Variants in ATPAF2 observed in about 807,000 individuals in gnomAD.
The protein encoded by ATPAF2 is ATP synthase mitochondrial F1 complex assembly factor 2.
Under a neutral mutation model 36.6 loss-of-function variants are expected in ATPAF2, and 30 were observed. The observed-to-expected ratio is 0.82, with a 90% CI of 0.61 to 1.11. The LOEUF is 1.11. ATPAF2 is among the 50% of genes most tolerant of loss of function. The pLI, the probability that ATPAF2 is intolerant of heterozygous loss-of-function variation, is 0.00. For synonymous variants in ATPAF2, 140 were observed against 152.6 expected, an observed-to-expected ratio of 0.92 and a Z score of 0.61; for missense variants, 321 against 372.3, an observed-to-expected ratio of 0.86 and a Z score of 1.13.
intron 2 of ATPAF2, 81 bp from the exon 3 acceptor site, chr17:18,028,458 G>A: frequency 6.3e-7 from 1 of 1,583,630 alleles, no homozygotes; most frequent in Non-Finnish European, 8.6e-7. Context: ...CACTTGAATT[G>A]GTGCAGACAA....
chr17:18,029,752 G>A (rs1042777679), intron 1 of ATPAF2, among the ~76,000 whole-genome samples: 4 of 151,708 alleles, frequency 2.6e-5, no homozygotes, highest in African/African-American at 9.7e-5. Context: ...CAACACACCA[G>A]GCTAATTTTT....
chr17:18,015,977 T>C, downstream of ATPAF2: 1 of 1,480,806 alleles, frequency 6.8e-7, no homozygotes, highest in South Asian at 1.2e-5. Context: ...GCCAGGGGAC[T>C]TCCAAATGCT....
chr17:18,026,241 C>G, intron 4 of ATPAF2, 78 bp downstream of exon 4: 1 of 1,344,716 alleles, frequency 7.4e-7, no homozygotes, highest in Middle Eastern at 1.8e-4. Flanking sequence ...AGGGTTTCTT[C>G]TTCCACTGAT....
downstream of ATPAF2, among the ~76,000 whole-genome samples, chr17:18,017,402 T>C (rs1364888428): frequency 6.6e-6 from 1 of 152,114 alleles, no homozygotes; most frequent in Non-Finnish European, 1.5e-5. Context: ...CGGTGTGGGC[T>C]AAGACCTTCT....
intron 4 of ATPAF2, chr17:18,025,949 T>C (rs2044538866): frequency 2.7e-6 from 1 of 373,356 alleles, no homozygotes; most frequent in South Asian, 2.4e-5. Flanking sequence ...CACTCCTAGT[T>C]ATCAGCATCC....
At chr17:18,036,447 G>T (rs1192258214) in intron 1 of ATPAF2, among the ~76,000 whole-genome samples, 2 of 151,852 alleles carry the variant, frequency 1.3e-5, no homozygotes, top group African/African-American at 4.8e-5. Flanking sequence ...GTGGTGGTGG[G>T]CACCTGTAGT....
chr17:18,018,416 G>A lies in ATPAF2; in HGVS notation c.*133C>T. 7.7e-7 allele frequency: 1 copy of A among 1,294,704 alleles called. No homozygotes were observed. The highest frequency in any genetic ancestry group is 1.2e-5 in the South Asian group (1 of 83,490). The allele number at this position is 1,294,704 out of a possible 1,614,324, so 80.2% of individuals were successfully genotyped here. Reference sequence around the variant, plus strand: ...CGTACTAGCGCACTGTGTCTCGGGGGGAATCTCAGGGTGACGCTGAGGCCG... The same window carrying A: ...CGTACTAGCGCACTGTGTCTCGGGGAGAATCTCAGGGTGACGCTGAGGCCG... On this transcript the variant is annotated 3_prime_UTR_variant, in exon 8 of 8. Transcript: ENST00000474627.
chr17:18,019,028 A>C (rs2044426971), intron 7 of ATPAF2, among the ~76,000 whole-genome samples: 1 of 152,068 alleles, frequency 6.6e-6, no homozygotes, highest in African/African-American at 2.4e-5. Context: ...AGTCCCAGCT[A>C]TTTGAGAGAC....
At position 18,030,654 on chromosome 17, in the gene ATPAF2, AT is replaced by A. The variant is rs959105838; in HGVS notation, c.134-1996del. 8.9e-5 allele frequency among the ~76,000 whole-genome samples: 13 copies of A among 146,016 alleles called. No individual in the cohort carries two copies. In the South Asian group the frequency reaches 1.7e-3, roughly 19 times the overall value. On this transcript the variant is annotated intron_variant, in intron 1 of 7. Transcript: ENST00000474627. The stretch of plus-strand genomic sequence containing the variant: ...GTGGGCAACTGGTTTTACTCCAAAT[AT>A]TTTTTTTCTTTTTCTTTTTTTTTTT...
At chr17:18,016,359 C>T, downstream of ATPAF2, 1 of 884,724 alleles carries the variant, frequency 1.1e-6, no homozygotes, top group Non-Finnish European at 1.7e-6. Context: ...TGCCCAGAGA[C>T]TTTAAAACCC....
rs577231863 is a variant in ATPAF2 at position 18,037,578 on chromosome 17, G to C, written c.133+1303C>G. Among the ~76,000 whole-genome samples, 10 of 151,934 alleles carry C rather than the reference G, an allele frequency of 6.6e-5. No homozygotes were observed. In the South Asian group the frequency reaches 2.1e-3, roughly 32 times the overall value. On this transcript the variant is annotated intron_variant, in intron 1 of 7. Coordinates refer to ENST00000474627, the MANE Select transcript of ATPAF2 (RefSeq NM_145691.4). Reference sequence around the variant, plus strand: ...CAGCCTCTGTGACAGAGGAGACTCCGTCTCAAAAAAACACAAAAAAACAGA... The same window carrying C: ...CAGCCTCTGTGACAGAGGAGACTCCCTCTCAAAAAAACACAAAAAAACAGA...
chr17:18,021,784 C>T lies in ATPAF2; in HGVS notation c.577G>A (p.Val193Ile), dbSNP rs778802460. 31 of 1,614,140 alleles carry T rather than the reference C, an allele frequency of 1.9e-5. No individual in the cohort carries two copies. Among genetic ancestry groups the T allele is most frequent in the South Asian group, 3.3e-5 (3 of 91,078 alleles). Residue 193 changes from valine to isoleucine, a missense_variant, in exon 6 of 8, where the codon GTC becomes ATC. Around this residue, in one of 3 missense-constraint regions of ATPAF2, gnomAD observed 199 missense variants for 220.6 expected, o/e 0.90. Transcript: ENST00000474627. ...GTGTTGTAAGATGCCAGGTGGCTGA[C>T]GAGCACCTCCCGAGTTTTGGCAGGG... ...SIPAKTREVL[V>I]SHLASYNTWA... is the part of the protein sequence containing the mutation.
downstream of ATPAF2, chr17:18,016,558 A>T: frequency 3.7e-6 from 6 of 1,608,892 alleles, no homozygotes; most frequent in Non-Finnish European, 5.1e-6. Context: ...CACTCCTCAG[A>T]TTCACAAGGA....
At position 18,028,244 on chromosome 17, in the gene ATPAF2, G is replaced by A. The variant is rs751231157; in HGVS notation, c.312C>T (p.Tyr104=). 3 of 1,614,110 alleles carry A rather than the reference G, an allele frequency of 1.9e-6. No homozygotes were observed. Among genetic ancestry groups the A allele is most frequent in the Non-Finnish European group, 2.5e-6 (3 of 1,180,040 alleles). Residue 104 remains tyrosine, a synonymous_variant, in exon 3 of 8, where the codon TAC becomes TAT. Coordinates refer to ENST00000474627, the MANE Select transcript of ATPAF2 (RefSeq NM_145691.4). ...GTGAACTTGTTACCAGGTGCATGGTGTAGTACTTGATGGTATCCTGCTGGG... is the reference window on the plus strand; with the variant it reads ...GTGAACTTGTTACCAGGTGCATGGTATAGTACTTGATGGTATCCTGCTGGG... ...WDSQQDTIKY[Y]TMHLTTLCNT...
In ATPAF2 at chr17:18,038,899, C is replaced by T. The variant is rs753075235; in HGVS notation, c.115G>A (p.Ala39Thr). 1 of 1,613,946 alleles carries T rather than the reference C, an allele frequency of 6.2e-7. No homozygotes were observed. Among genetic ancestry groups the T allele is most frequent in the African/African-American group, 1.3e-5 (1 of 74,954 alleles). ...GTCTTACCTGTCGGCGGGGCGTAAG[C>T]CCGGGCTGGAGACGGGATGGTTGGC... ...PGPTIPSPAR[A>T]YAPPTERKRF... The change falls in exon 1 of 8, where the codon GCT (alanine) becomes ACT (threonine). Residue 39 changes from alanine to threonine, a missense_variant. Around this residue, in one of 3 missense-constraint regions of ATPAF2, gnomAD observed 69 missense variants for 60.1 expected, o/e 1.15. Coordinates refer to ENST00000474627, the MANE Select transcript of ATPAF2 (RefSeq NM_145691.4).
At position 18,025,792 on chromosome 17, in the gene ATPAF2, G is replaced by A. The variant is rs113483642; in HGVS notation, c.422+527C>T. Among the ~76,000 whole-genome samples, 1,508 of 152,272 alleles carry A rather than the reference G, an allele frequency of 9.9e-3. 22 individuals carry two copies. Among genetic ancestry groups the A allele is most frequent in the African/African-American group, 0.035 (1,446 of 41,532 alleles). On this transcript the variant is annotated intron_variant, in intron 4 of 7. Coordinates refer to ENST00000474627, the MANE Select transcript of ATPAF2 (RefSeq NM_145691.4). The stretch of plus-strand genomic sequence containing the variant: ...ATCAGTGCTGACTTCCTGTGTCATC[G>A]TGAGATGACTCAGGATCCTAGAGCA...
intron 5 of ATPAF2, among the ~76,000 whole-genome samples, chr17:18,022,214 A>G (rs2044479858): frequency 6.6e-6 from 1 of 152,248 alleles, no homozygotes; most frequent in African/African-American, 2.4e-5. Context: ...ACATTTGAGG[A>G]CATATAAAAG....
At position 18,021,725 on chromosome 17, in the gene ATPAF2, A is replaced by G. The variant is rs539903484; in HGVS notation, c.616+20T>C. 30 of 1,609,438 alleles carry G rather than the reference A, an allele frequency of 1.9e-5. No homozygotes were observed. The East Asian group carries it at 5.4e-4, about 29-fold the overall frequency. On this transcript the variant is annotated intron_variant, in intron 6 of 7. Coordinates refer to ENST00000474627, the MANE Select transcript of ATPAF2 (RefSeq NM_145691.4). The stretch of plus-strand genomic sequence containing the variant: ...GCCTTCACAGCCACCTGCCAAGCCC[A>G]CAAGAAACTCCATACATGCCTTGTA...
Position 18,037,611 on chromosome 17 carries a change from G to A in ATPAF2, c.133+1270C>T, listed in dbSNP as rs1465960914. ...AAAACACAAAAAAACAGAAGAAGAA[G>A]AAAAAAAAAGAACTTGACAGCCAGA... On this transcript the variant is annotated intron_variant, in intron 1 of 7. Coordinates refer to ENST00000474627, the MANE Select transcript of ATPAF2 (RefSeq NM_145691.4). 4.0e-5 allele frequency among the ~76,000 whole-genome samples: 6 copies of A among 150,456 alleles called. No individual in the cohort carries two copies. The East Asian group carries it at 7.7e-4, about 19-fold the overall frequency.
Sources: gnomAD v4.1 joint callset for allele counts (sites outside exome capture counted in the v4.1 genomes callset) on GRCh38, gnomAD v4.1.1 for gene constraint, gnomAD v4.1.1 regional missense constraint, MANE v1.5 for transcripts, NCBI Gene and HGNC (gene_info 2026-07-23, HGNC 2026-07-21) for gene names.